NAA35: variants seen among roughly 807,000 people sequenced by gnomAD.
The protein encoded by NAA35 is N-alpha-acetyltransferase 35, NatC auxiliary subunit.
Under a neutral mutation model 101.7 loss-of-function variants are expected in NAA35, and 18 were observed. That is an observed-to-expected ratio of 0.18 (90% confidence interval 0.12 to 0.26). The LOEUF (loss-of-function observed/expected upper bound fraction) is 0.26, where lower values mean the gene tolerates loss of function less well. Ranked by LOEUF, NAA35 falls within the 10% of genes least tolerant of loss-of-function variation. The pLI, the probability that NAA35 is intolerant of heterozygous loss-of-function variation, is 1.00. For synonymous variants in NAA35, 267 were observed against 273.1 expected (o/e 0.98, Z 0.22); for missense variants, 601 against 886.8 (o/e 0.68, Z 4.09).
chr9:85,990,861 C>T (rs1830872599), intron 11 of NAA35, among the ~76,000 whole-genome samples: 1 of 152,108 alleles, frequency 6.6e-6, no homozygotes, highest in African/African-American at 2.4e-5. Context: ...TAGCATGGGC[C>T]ATCAGAGTCT....
intron 12 of NAA35, 27 bp downstream of exon 12, chr9:85,996,604 G>T (rs756971969): frequency 1.4e-6 from 2 of 1,477,506 alleles, no homozygotes; most frequent in African/African-American, 2.9e-5. Flanking sequence ...GTTCCAGAAT[G>T]TAACTTCCAT....
rs768368681 is a variant in NAA35 at position 86,013,948 on chromosome 9, C to T, written c.1568+51C>T. 3.8e-5 allele frequency: 51 copies of T among 1,326,058 alleles called. 1 individual carries two copies. Among genetic ancestry groups the T allele is most frequent in the Admixed American group, 1.2e-4 (6 of 49,384 alleles). 82.1% of individuals were successfully genotyped at this position (1,326,058 alleles called of 1,614,324 possible). A position where few individuals can be genotyped will look rare whatever the true frequency, so the allele number is the denominator to read the frequency against. ...TGGTGGTGGGTGCAATGGATAAGAT[C>T]TGAGAATTCAGAGTTAATTTCAGGG... On this transcript the variant is annotated intron_variant, in intron 17 of 22. Coordinates refer to ENST00000361671, the MANE Select transcript of NAA35 (RefSeq NM_024635.4).
chr9:85,963,919 T>A (rs1829631102), intron 6 of NAA35, among the ~76,000 whole-genome samples: 1 of 152,284 alleles, frequency 6.6e-6, no homozygotes, highest in South Asian at 2.1e-4. Flanking sequence ...CAGGAGAAGA[T>A]AGTTCACAGA....
At chr9:85,964,476 AT>A (rs2117919373) in intron 6 of NAA35, among the ~76,000 whole-genome samples, 1 of 151,532 alleles carries the variant, frequency 6.6e-6, no homozygotes, top group Admixed American at 6.5e-5. Flanking sequence ...TTCAGATTCC[AT>A]TTTTGTTAAT....
At chr9:85,953,641 C>T (rs1215802628) in intron 2 of NAA35, among the ~76,000 whole-genome samples, 1 of 151,808 alleles carries the variant, frequency 6.6e-6, no homozygotes, top group Non-Finnish European at 1.5e-5. Flanking sequence ...ATTGGCCAGG[C>T]TGGTCTTGAA....
rs1286509934 is a variant in NAA35, at chr9:86,022,648, A to C, written c.*688A>C. Among the ~76,000 whole-genome samples the C allele has an allele frequency of 2.6e-5, 4 of 152,240 alleles. No homozygotes were observed. Among genetic ancestry groups the C allele is most frequent in the African/African-American group, 9.6e-5 (4 of 41,460 alleles). ...GGCAGATAGAAATGTATATAGATTAAAATTTAGGACTAGGTTTAAATGTGG... is the reference window on the plus strand; with the variant it reads ...GGCAGATAGAAATGTATATAGATTACAATTTAGGACTAGGTTTAAATGTGG... On this transcript the variant is annotated 3_prime_UTR_variant, in exon 23 of 23. Coordinates refer to ENST00000361671, the MANE Select transcript of NAA35 (RefSeq NM_024635.4).
chr9:86,007,006 G>T (rs368275630), intron 13 of NAA35, among the ~76,000 whole-genome samples: 4 of 152,080 alleles, frequency 2.6e-5, no homozygotes, highest in African/African-American at 9.6e-5. Context: ...GAGGTAAACA[G>T]GATTATCAAA....
Position 85,973,748 on chromosome 9 carries a change from T to G in NAA35, c.517-1219T>G, listed in dbSNP as rs550477465. ...TTATATAGCTCTGTAATATGATGAG[T>G]GTTTTTTTTTTTTAAGGATTTGATC... On this transcript the variant is annotated intron_variant, in intron 6 of 22. Coordinates refer to ENST00000361671, the MANE Select transcript of NAA35 (RefSeq NM_024635.4). Among the ~76,000 whole-genome samples, 9 of 150,326 alleles carry G rather than the reference T, an allele frequency of 6.0e-5. No individual in the cohort carries two copies. In the East Asian group the frequency reaches 2.1e-3, roughly 35 times the overall value.
intron 1 of NAA35, chr9:85,941,608 G>A (rs1418306905): frequency 1.6e-5 from 16 of 986,170 alleles, no homozygotes; most frequent in Non-Finnish European, 1.9e-5. Context: ...CGCCTCAGGT[G>A]TGCCTCGGCC....
Position 86,025,389 on chromosome 9 carries a change from A to G in NAA35, c.*3429A>G, listed in dbSNP as rs2118572833. On this transcript the variant is annotated 3_prime_UTR_variant, in exon 23 of 23. Coordinates refer to ENST00000361671, the MANE Select transcript of NAA35 (RefSeq NM_024635.4). Reference sequence around the variant, plus strand: ...CATGCAGTGAGGAAAGAGCGACTCAACTGGGCTTGAAGAACTGACTTCCCC... The same window carrying G: ...CATGCAGTGAGGAAAGAGCGACTCAGCTGGGCTTGAAGAACTGACTTCCCC... 6.6e-6 allele frequency among the ~76,000 whole-genome samples: 1 copy of G among 152,286 alleles called. No homozygotes were observed. The highest frequency in any genetic ancestry group is 1.5e-5 in the Non-Finnish European group (1 of 68,026).
At chr9:85,991,448 G>A (rs1051970629) in intron 11 of NAA35, among the ~76,000 whole-genome samples, 12 of 152,124 alleles carry the variant, frequency 7.9e-5, no homozygotes, top group African/African-American at 2.9e-4. Flanking sequence ...TGGGGTGTCA[G>A]ATCATAAGTG....
intron 6 of NAA35, among the ~76,000 whole-genome samples, chr9:85,963,313 C>G (rs1197395998): frequency 7.2e-6 from 1 of 138,244 alleles, no homozygotes; most frequent in Non-Finnish European, 1.5e-5. Flanking sequence ...TCCTGTTGCC[C>G]AGGTTGGAGT....
chr9:85,959,925 G>T, intron 5 of NAA35, 58 bp downstream of exon 5: 1 of 1,315,044 alleles, frequency 7.6e-7, no homozygotes, highest in Non-Finnish European at 1.1e-6. Context: ...CCTGAATCTT[G>T]TGATTTAAAA....
chr9:86,011,734 CTAAA>C (rs1297615621), intron 15 of NAA35, among the ~76,000 whole-genome samples: 1 of 148,114 alleles, frequency 6.8e-6, no homozygotes, highest in Non-Finnish European at 1.5e-5. Flanking sequence ...CTTCCAGTTA[CTAAA>C]TATATATATA....
rs1334448877 is a variant in NAA35 at position 86,022,558 on chromosome 9, TAAAA to T, written c.*603_*606del. 1.3e-5 allele frequency among the ~76,000 whole-genome samples: 2 copies of T among 152,070 alleles called. No homozygotes were observed. Among genetic ancestry groups the T allele is most frequent in the Non-Finnish European group, 2.9e-5 (2 of 68,002 alleles). Reference sequence around the variant, plus strand: ...ATATATCTGTAAGAATACAGATGTGTAAAAAAAATCCTTTTAGCACTTTTAAAAG... The same window carrying T: ...ATATATCTGTAAGAATACAGATGTGTAAAATCCTTTTAGCACTTTTAAAAG... On this transcript the variant is annotated 3_prime_UTR_variant, in exon 23 of 23. Transcript: ENST00000361671.
At chr9:86,008,231 T>A (rs1272150406) in intron 14 of NAA35, among the ~76,000 whole-genome samples, 5 of 152,118 alleles carry the variant, frequency 3.3e-5, no homozygotes, top group Non-Finnish European at 7.4e-5. Context: ...CCCAGCTAAT[T>A]TTTGTATTTT....
At chr9:85,959,644 GTGATAGTT>G in intron 4 of NAA35, 141 bp from the exon 5 acceptor site, 1 of 530,936 alleles carries the variant, frequency 1.9e-6, no homozygotes, top group Non-Finnish European at 3.3e-6. Context: ...TTAATTTGGT[GTGATAGTT>G]TTATCAGATG....
chr9:86,020,966 T>A lies in NAA35; in HGVS notation c.2115T>A (p.Ser705=), dbSNP rs1832514213. The change falls in exon 22 of 23, where the codon TCT becomes TCA. Residue 705 remains serine, a synonymous_variant. Transcript: ENST00000361671. Reference sequence around the variant, plus strand: ...TGGCAGGAGGACACAAAAAGGAATCTAAAGTGAGTACATTGTGGGAAAAAT... The same window carrying A: ...TGGCAGGAGGACACAAAAAGGAATCAAAAGTGAGTACATTGTGGGAAAAAT... ...KLLAGGHKKE[S]KVPPEFDFSA... is the part of the protein sequence containing the mutation. 6.2e-7 allele frequency: 1 copy of A among 1,608,666 alleles called. No individual in the cohort carries two copies. The highest frequency in any genetic ancestry group is 1.7e-5 in the Admixed American group (1 of 59,496).
chr9:85,984,332 AAAAC>A (rs60598797), intron 11 of NAA35, among the ~76,000 whole-genome samples: 13,273 of 151,970 alleles, frequency 0.087, 1,850 homozygotes, highest in African/African-American at 0.29. Flanking sequence ...CTGTCTTTTT[AAAAC>A]AAACAAACAA....
Sources: allele counts gnomAD v4.1 joint callset (sites outside exome capture counted in the v4.1 genomes callset), GRCh38; gene constraint gnomAD v4.1.1; transcripts MANE v1.5; gene names NCBI Gene and HGNC (gene_info 2026-07-23, HGNC 2026-07-21).